DISC1: variants seen among roughly 807,000 people sequenced by gnomAD.
DISC1 encodes disrupted in schizophrenia 1 protein.
In DISC1, 57 loss-of-function variants were observed where a neutral mutation model predicts 84.5. The ratio of observed to expected loss-of-function variants is 0.67; its 90% CI spans 0.55 to 0.84. The LOEUF (loss-of-function observed/expected upper bound fraction) is 0.84. DISC1 is among the 40% of genes least tolerant of loss of function. The pLI, the probability that DISC1 is intolerant of heterozygous loss-of-function variation, is 0.00. For missense variants in DISC1, 1,000 were observed against 1,057.8 expected, an observed-to-expected ratio of 0.95 and a Z score of 0.76; for synonymous variants, 411 against 415.2, an observed-to-expected ratio of 0.99 and a Z score of 0.12.
chr1:232,026,994 G>T lies in DISC1; in HGVS notation c.2425+442G>T, dbSNP rs369835315. Among the ~76,000 whole-genome samples the T allele has an allele frequency of 1.3e-4, 20 of 151,966 alleles. No individual in the cohort carries two copies. In the South Asian group the frequency reaches 3.9e-3, roughly 30 times the overall value. ...TAGAACTCCTGACCTCAAGTGATCC[G>T]CCCGCCTTGGCCTCCCAAAGTGCTG... is the stretch of plus-strand genomic sequence containing the variant. On this transcript the variant is annotated intron_variant, in intron 12 of 12. Coordinates refer to ENST00000439617, the MANE Select transcript of DISC1 (RefSeq NM_018662.3).
intron 1 of DISC1, among the ~76,000 whole-genome samples, chr1:231,682,719 G>T (rs1486435641): frequency 6.6e-6 from 1 of 152,196 alleles, no homozygotes; most frequent in African/African-American, 2.4e-5. Flanking sequence ...ACAGCACAAA[G>T]TTCCTTTCAC....
intron 1 of DISC1, among the ~76,000 whole-genome samples, chr1:231,653,300 G>T (rs2060790362): frequency 6.6e-6 from 1 of 152,152 alleles, no homozygotes; most frequent in Admixed American, 6.5e-5. Context: ...TTTGCTGATG[G>T]TTACCTTGAG....
At chr1:231,994,993 A>G (rs898888181) in intron 10 of DISC1, among the ~76,000 whole-genome samples, 6 of 152,204 alleles carry the variant, frequency 3.9e-5, no homozygotes, top group African/African-American at 1.4e-4. Context: ...GTTCCTCGTT[A>G]AATACTCTTT....
intron 9 of DISC1, among the ~76,000 whole-genome samples, chr1:231,955,414 TC>T (rs1291035332): frequency 6.6e-6 from 1 of 151,874 alleles, no homozygotes; most frequent in African/African-American, 2.4e-5. Flanking sequence ...TTCTCATTCT[TC>T]CCATCTCAGT....
At chr1:231,697,159 C>T (rs114535018) in intron 2 of DISC1, among the ~76,000 whole-genome samples, 154 of 152,226 alleles carry the variant, frequency 1.0e-3, no homozygotes, top group African/African-American at 3.6e-3. Context: ...CTGAGGCCTT[C>T]GGGACAGGGC....
intron 3 of DISC1, among the ~76,000 whole-genome samples, chr1:231,725,869 G>A (rs1208674254): frequency 6.6e-6 from 1 of 152,044 alleles, no homozygotes; most frequent in Non-Finnish European, 1.5e-5. Flanking sequence ...TGTCTTTGAG[G>A]GAATGAGATT....
chr1:231,637,024 A>C (rs542232195), intron 1 of DISC1, among the ~76,000 whole-genome samples: 1 of 152,170 alleles, frequency 6.6e-6, no homozygotes, highest in East Asian at 1.9e-4. Context: ...CTCATTGTTC[A>C]ATTCCCACTT....
intron 1 of DISC1, among the ~76,000 whole-genome samples, chr1:231,669,526 G>GA (rs1195641361): frequency 2.7e-5 from 4 of 150,858 alleles, no homozygotes; most frequent in Non-Finnish European, 4.4e-5. Context: ...AAATTTACAA[G>GA]AAAAAAAACA....
intron 3 of DISC1, among the ~76,000 whole-genome samples, chr1:231,749,434 G>A (rs760837659): frequency 7.2e-5 from 11 of 152,142 alleles, no homozygotes; most frequent in Non-Finnish European, 1.5e-4. Flanking sequence ...TGGATATATA[G>A]TCATCTATAG....
At chr1:231,781,593 T>G (rs547037926) in intron 6 of DISC1, among the ~76,000 whole-genome samples, 1 of 152,264 alleles carries the variant, frequency 6.6e-6, no homozygotes, top group Non-Finnish European at 1.5e-5. Flanking sequence ...GTCTTTCTCC[T>G]AGTCGATTTC....
intron 9 of DISC1, among the ~76,000 whole-genome samples, chr1:231,926,483 C>T (rs1219840282): frequency 6.6e-6 from 1 of 152,158 alleles, no homozygotes; most frequent in African/African-American, 2.4e-5. Context: ...ATTCTTTCAC[C>T]AGAACAACTT....
intron 1 of DISC1, among the ~76,000 whole-genome samples, chr1:231,639,413 T>C (rs1368703370): frequency 6.6e-6 from 1 of 152,230 alleles, no homozygotes; most frequent in East Asian, 1.9e-4. Flanking sequence ...CAACACCTCC[T>C]GCGTTCATCA....
intron 1 of DISC1, among the ~76,000 whole-genome samples, chr1:231,653,148 A>G (rs985159207): frequency 1.3e-5 from 2 of 152,218 alleles, no homozygotes; most frequent in African/African-American, 2.4e-5. Context: ...TGGAATGTTC[A>G]TAGTTGTTGA....
intron 9 of DISC1, among the ~76,000 whole-genome samples, chr1:231,898,982 A>G (rs2087931503): frequency 6.6e-6 from 1 of 151,608 alleles, no homozygotes; most frequent in Non-Finnish European, 1.5e-5. Context: ...CCCACAAAAA[A>G]CAAAAAAAAA....
chr1:231,730,526 C>G (rs2071382333), intron 3 of DISC1, among the ~76,000 whole-genome samples: 1 of 152,094 alleles, frequency 6.6e-6, no homozygotes, highest in Non-Finnish European at 1.5e-5. Flanking sequence ...GATCCTGTCA[C>G]CCCAAATGTA....
At chr1:231,830,538 T>G (rs1293717099) in intron 9 of DISC1, among the ~76,000 whole-genome samples, 1 of 152,174 alleles carries the variant, frequency 6.6e-6, no homozygotes, top group Non-Finnish European at 1.5e-5. Context: ...AGATATCAGC[T>G]GTGATGGCTT....
At chr1:231,674,882 T>A (rs2062989263) in intron 1 of DISC1, among the ~76,000 whole-genome samples, 1 of 152,198 alleles carries the variant, frequency 6.6e-6, no homozygotes, top group Non-Finnish European at 1.5e-5. Flanking sequence ...GTTCCGGATG[T>A]CCCTTTGTTT....
intron 9 of DISC1, among the ~76,000 whole-genome samples, chr1:231,898,643 A>G (rs1361810749): frequency 3.9e-5 from 6 of 152,230 alleles, no homozygotes; most frequent in Non-Finnish European, 8.8e-5. Context: ...ACATTCACAA[A>G]TAACTAGGCC....
At chr1:231,818,884 T>C (rs2125762915) in intron 9 of DISC1, 1 of 1,066,740 alleles carries the variant, frequency 9.4e-7, no homozygotes, top group Middle Eastern at 4.5e-4. Flanking sequence ...TGCACAATCA[T>C]AGACTAAATC....
Sources: allele counts gnomAD v4.1 joint callset (sites outside exome capture counted in the v4.1 genomes callset), GRCh38; gene constraint gnomAD v4.1.1; transcripts MANE v1.5; gene names NCBI Gene and HGNC (gene_info 2026-07-23, HGNC 2026-07-21).